The following EML1 variants were observed in gnomAD, a reference collection of about 807,000 sequenced individuals.
The protein encoded by EML1 is EMAP like 1.
In EML1, 27 loss-of-function variants were observed where a neutral mutation model predicts 110.4. The ratio of observed to expected loss-of-function variants is 0.24; its 90% CI spans 0.18 to 0.34. The LOEUF (loss-of-function observed/expected upper bound fraction) is 0.34. Among genes scored for constraint, EML1 ranks in the 10% least tolerant of loss-of-function variants. The pLI is 1.00. For synonymous variants in EML1, 344 were observed against 385.8 expected, an observed-to-expected ratio of 0.89 and a Z score of 1.27; for missense variants, 741 against 1,030.9, an observed-to-expected ratio of 0.72 and a Z score of 3.85.
intron 4 of EML1, among the ~76,000 whole-genome samples, chr14:99,879,774 T>C (rs185020176): frequency 6.6e-6 from 1 of 152,336 alleles, no homozygotes; most frequent in African/African-American, 2.4e-5. Flanking sequence ...GCCAAGTGGT[T>C]ACAGTGGCAA....
chr14:99,912,188 A>AT (rs1242879450), intron 13 of EML1, among the ~76,000 whole-genome samples: 2 of 152,000 alleles, frequency 1.3e-5, no homozygotes, highest in Non-Finnish European at 2.9e-5. Flanking sequence ...GCCTCTTTTA[A>AT]TTTTTAATTT....
Position 99,939,212 on chromosome 14 carries a change from G to A in EML1, c.2207G>A (p.Gly736Asp), listed in dbSNP as rs1384766187. 1 of 1,614,172 alleles carries A rather than the reference G, an allele frequency of 6.2e-7. No individual in the cohort carries two copies. Among genetic ancestry groups the A allele is most frequent in the South Asian group, 1.1e-5 (1 of 91,084 alleles). The stretch of plus-strand genomic sequence containing the variant: ...TTTGTTTTAGGAGTGTGGCCAGAAG[G>A]CTCGGACGGAACCGACATCAATGCC... ...GFHVFGVWPEGSDGTDINAVC... is the reference protein window; with the variant it reads ...GFHVFGVWPEDSDGTDINAVC... The change falls in exon 21 of 22, where the codon GGC becomes GAC. Residue 736 changes from glycine (G) to aspartate (D), a missense_variant. Coordinates refer to ENST00000262233, the MANE Select transcript of EML1 (RefSeq NM_004434.3). This position sits in a 1 kb window ranked among gnomAD's most constrained non-coding sequence, Gnocchi z 4.2.
At chr14:99,756,257 C>A (rs559478949) in intron 1 of EML1, among the ~76,000 whole-genome samples, 1 of 152,156 alleles carries the variant, frequency 6.6e-6, no homozygotes, top group Non-Finnish European at 1.5e-5. Context: ...CAGTCCCTTC[C>A]GACTTAAGGG....
upstream of EML1, among the ~76,000 whole-genome samples, chr14:99,789,681 G>A (rs1331664869): frequency 6.6e-6 from 1 of 152,184 alleles, no homozygotes; most frequent in East Asian, 1.9e-4. Flanking sequence ...GCACAAGGCT[G>A]CACATTTCTG....
At chr14:99,838,913 G>GCGCA (rs927018594) in intron 1 of EML1, 31 of 115,320 alleles carry the variant, frequency 2.7e-4, no homozygotes, top group African/African-American at 1.1e-3. Flanking sequence ...GAGTGCGCGC[G>GCGCA]CGCGCGTGTG....
chr14:99,921,342 T>C (rs10132287), intron 17 of EML1, among the ~76,000 whole-genome samples: 52,378 of 152,076 alleles, frequency 0.34, 10,032 homozygotes, highest in Non-Finnish European at 0.44. Flanking sequence ...TTTGGGTTGA[T>C]TCTGTGTCTT....
At chr14:99,847,198 T>A (rs2058720346) in intron 1 of EML1, among the ~76,000 whole-genome samples, 1 of 152,240 alleles carries the variant, frequency 6.6e-6, no homozygotes, top group East Asian at 1.9e-4. Context: ...CTTCCCATCT[T>A]TAAATTTATT....
upstream of EML1, among the ~76,000 whole-genome samples, chr14:99,792,530 C>G (rs899974035): frequency 6.6e-6 from 1 of 152,180 alleles, no homozygotes; most frequent in Non-Finnish European, 1.5e-5. Flanking sequence ...ACTCATAGAT[C>G]TATGTGTTTC....
At chr14:99,801,999 T>C (rs1465833112) in intron 1 of EML1, among the ~76,000 whole-genome samples, 1 of 152,138 alleles carries the variant, frequency 6.6e-6, no homozygotes, top group Non-Finnish European at 1.5e-5. Context: ...ACAACAGTGA[T>C]AGGTTGTTCT....
At chr14:99,916,547 C>G (rs1210685001) in intron 15 of EML1, among the ~76,000 whole-genome samples, 1 of 152,180 alleles carries the variant, frequency 6.6e-6, no homozygotes, top group African/African-American at 2.4e-5. Context: ...TGCCCTTTAT[C>G]TAAAACACAT....
At chr14:99,834,382 A>G (rs1325849906) in intron 1 of EML1, among the ~76,000 whole-genome samples, 1 of 151,782 alleles carries the variant, frequency 6.6e-6, no homozygotes, top group Non-Finnish European at 1.5e-5. Flanking sequence ...GGCTCACTGC[A>G]AGCTCCGCCT....
upstream of EML1, among the ~76,000 whole-genome samples, chr14:99,790,368 G>T (rs2057649761): frequency 6.6e-6 from 1 of 151,678 alleles, no homozygotes; most frequent in Non-Finnish European, 1.5e-5. Flanking sequence ...GTTGAGCATT[G>T]CCCCAGCTGC....
At chr14:99,915,346 A>AGG (rs375497720) in intron 15 of EML1, 2,545 of 141,956 alleles carry the variant, frequency 0.018, 38 homozygotes, top group Middle Eastern at 0.037. Flanking sequence ...CGGAAGGTGG[A>AGG]GGTTGCAGTG....
Position 99,827,018 on chromosome 14 carries a change from C to T in EML1, c.68-23835C>T, listed in dbSNP as rs2058372228. 6.9e-6 allele frequency among the ~76,000 whole-genome samples: 1 copy of T among 144,300 alleles called. No homozygotes were observed. 94.7% of individuals were successfully genotyped at this position (144,300 alleles called of 152,430 possible). A position where few individuals can be genotyped will look rare whatever the true frequency, so the allele number is the denominator to read the frequency against. ...TTCAGCGCCAGATTTTGTACACGTA[C>T]TAAGTGCTGAATAAATACAGCAGTG... On this transcript the variant is annotated intron_variant, in intron 1 of 21. Coordinates refer to ENST00000262233, the MANE Select transcript of EML1 (RefSeq NM_004434.3). The surrounding 1 kb of genome is among the most constrained non-coding windows in gnomAD (Gnocchi z 4.4).
chr14:99,940,132 G>A lies in EML1; in HGVS notation c.*20G>A, dbSNP rs2060563377. 6.6e-7 allele frequency: 1 copy of A among 1,519,394 alleles called. No homozygotes were observed. Among genetic ancestry groups the A allele is most frequent in the East Asian group, 2.5e-5 (1 of 39,926 alleles). The allele number at this position is 1,519,394 out of a possible 1,614,324, so 94.1% of individuals were successfully genotyped here. On this transcript the variant is annotated 3_prime_UTR_variant, in exon 22 of 22. Coordinates refer to ENST00000262233, the MANE Select transcript of EML1 (RefSeq NM_004434.3). ...ATTTAGTACCCACCGAGAGCTGTGG[G>A]GAGCAGCATGGGCAAGGAAGACACA...
At chr14:99,835,486 G>C (rs4905901) in intron 1 of EML1, among the ~76,000 whole-genome samples, 103,090 of 151,908 alleles carry the variant, frequency 0.68, 35,043 homozygotes, top group Non-Finnish European at 0.7. Flanking sequence ...ATATTGCTTC[G>C]TTTTTTTCTG....
At chr14:99,754,324 C>T (rs2057218967) in intron 1 of EML1, among the ~76,000 whole-genome samples, 1 of 152,228 alleles carries the variant, frequency 6.6e-6, no homozygotes, top group African/African-American at 2.4e-5. Flanking sequence ...GGAGGGGGCC[C>T]CATCTCCCAG....
At chr14:99,853,364 G>T (rs2058844449) in intron 2 of EML1, among the ~76,000 whole-genome samples, 2 of 152,092 alleles carry the variant, frequency 1.3e-5, no homozygotes, top group African/African-American at 2.4e-5. Context: ...GGGGCAGGAG[G>T]GGCGTGCCCG....
chr14:99,940,004 C>T lies in EML1; in HGVS notation c.2340C>T (p.Tyr780=), dbSNP rs142184183. The T allele has an allele frequency of 1.4e-5, 22 of 1,580,718 alleles. No homozygotes were observed. Among genetic ancestry groups the T allele is most frequent in the Middle Eastern group, 1.7e-4 (1 of 5,932 alleles). Residue 780 remains tyrosine (Y), a synonymous_variant, in exon 22 of 22, where the codon TAC becomes TAT. Transcript: ENST00000262233. ...CCCTCCAGGCTCCAAGCCACATCTA[C>T]GGCGGGCACAGCAGCCATGTCACCA... ...CSQFRAPSHI[Y]GGHSSHVTNV...
Sources: allele counts gnomAD v4.1 joint callset (sites outside exome capture counted in the v4.1 genomes callset), GRCh38; gene constraint gnomAD v4.1.1; non-coding constraint Gnocchi (gnomAD v3.1); transcripts MANE v1.5; gene names NCBI Gene and HGNC (gene_info 2026-07-23, HGNC 2026-07-21).